FFAR4: variants seen among roughly 807,000 people sequenced by gnomAD.
The protein encoded by FFAR4 is G-protein coupled receptor 120.
In FFAR4, 19 loss-of-function variants were observed where a neutral mutation model predicts 27.0. The observed-to-expected ratio is 0.70, with a 90% CI of 0.49 to 1.03. The LOEUF (loss-of-function observed/expected upper bound fraction) is 1.03. FFAR4 is among the 50% of genes least tolerant of loss of function. FFAR4 has a pLI of 0.00. For synonymous variants in FFAR4, 254 were observed against 215.6 expected (o/e 1.18, Z -1.56); for missense variants, 476 against 479.0 (o/e 0.99, Z 0.06).
Position 93,576,346 on chromosome 10 carries a change from A to G in FFAR4, c.696+127A>G, listed in dbSNP as rs184916643. The G allele has an allele frequency of 1.6e-5, 15 of 923,692 alleles. No individual in the cohort carries two copies. In the East Asian group the frequency reaches 3.6e-4, roughly 22 times the overall value. 57.2% of individuals were successfully genotyped at this position (923,692 alleles called of 1,614,324 possible). On this transcript the variant is annotated intron_variant, in intron 2 of 2. Transcript: ENST00000371481. ...CCAGCTCAATCTTGATTCACTGCCCAGGTCTACAACACTGAGGAAGGAGAG... is the reference window on the plus strand; with the variant it reads ...CCAGCTCAATCTTGATTCACTGCCCGGGTCTACAACACTGAGGAAGGAGAG...
intron 1 of FFAR4, among the ~76,000 whole-genome samples, chr10:93,568,066 C>T (rs1169226703): frequency 6.6e-6 from 1 of 152,144 alleles, no homozygotes; most frequent in Non-Finnish European, 1.5e-5. Flanking sequence ...TGACCATGAT[C>T]GGAATAAGGT....
In FFAR4 at chr10:93,573,474, A is replaced by G. The variant is rs966255626; in HGVS notation, c.568-2617A>G. On this transcript the variant is annotated intron_variant, in intron 1 of 2. Coordinates refer to ENST00000371481, the MANE Select transcript of FFAR4 (RefSeq NM_001195755.2). ...TACATGTCACAGCCTGCGGGAGAAT[A>G]CCTAGAATCAAAACGACTTAAGCCA... 3.3e-5 allele frequency among the ~76,000 whole-genome samples: 5 copies of G among 152,156 alleles called. No individual in the cohort carries two copies. The South Asian group carries it at 6.2e-4, about 19-fold the overall frequency.
intron 1 of FFAR4, among the ~76,000 whole-genome samples, chr10:93,574,534 G>A (rs146571385): frequency 1.3e-3 from 197 of 152,292 alleles, no homozygotes; most frequent in African/African-American, 4.4e-3. Flanking sequence ...AAAGGAGGTG[G>A]TGCGGGTTTT....
chr10:93,570,072 T>A (rs998485506), intron 1 of FFAR4, among the ~76,000 whole-genome samples: 1 of 151,456 alleles, frequency 6.6e-6, no homozygotes, highest in African/African-American at 2.4e-5. Flanking sequence ...AAAAAAAAAT[T>A]TTTTTTAAAT....
chr10:93,587,480 C>G lies in FFAR4; in HGVS notation c.957C>G (p.Ile319Met). The G allele has an allele frequency of 6.2e-7, 1 of 1,614,134 alleles. No individual in the cohort carries two copies. Among genetic ancestry groups the G allele is most frequent in the Non-Finnish European group, 8.5e-7 (1 of 1,180,026 alleles). The change falls in exon 3 of 3, where the codon ATC becomes ATG. Residue 319 changes from isoleucine (I) to methionine (M), a missense_variant. Ile to Met is a conservative substitution (Grantham distance 10). Transcript: ENST00000371481. ...TTGCTAATTCAGCCCTAAACCCCAT[C>G]CTCTACAACATGACACTGTGCAGGA... ...FTFANSALNP[I>M]LYNMTLCRNE...
At position 93,567,248 on chromosome 10, in the gene FFAR4, C is replaced by G. The variant is rs150993972; in HGVS notation, c.528C>G (p.Phe176Leu). 2.5e-6 allele frequency: 4 copies of G among 1,601,012 alleles called. No individual in the cohort carries two copies. Among genetic ancestry groups the G allele is most frequent in the Non-Finnish European group, 2.5e-6 (3 of 1,179,702 alleles). The change falls in exon 1 of 3, where the codon TTC becomes TTG. Residue 176 changes from phenylalanine (F) to leucine (L), a missense_variant. By Grantham distance (22) the Phe-to-Leu change is conservative (BLOSUM62 0). Coordinates refer to ENST00000371481, the MANE Select transcript of FFAR4 (RefSeq NM_001195755.2). Reference sequence around the variant, plus strand: ...TCGCCGCTCTGCCTCTCTGCGTCTTCTTCCGAGTCGTCCCGCAACGGCTCC... The same window carrying G: ...TCGCCGCTCTGCCTCTCTGCGTCTTGTTCCGAGTCGTCCCGCAACGGCTCC... ...SAVAALPLCV[F>L]FRVVPQRLPG...
chr10:93,577,531 T>C (rs1378251729), intron 2 of FFAR4, among the ~76,000 whole-genome samples: 1 of 152,174 alleles, frequency 6.6e-6, no homozygotes. Flanking sequence ...CTGAGGCTTG[T>C]TCAAGTGCAG....
At chr10:93,583,343 G>A (rs1334788036) in intron 2 of FFAR4, among the ~76,000 whole-genome samples, 2 of 151,650 alleles carry the variant, frequency 1.3e-5, no homozygotes, top group African/African-American at 2.4e-5. Flanking sequence ...GTGAACCCAG[G>A]AGGTGGAGCT....
At chr10:93,569,241 G>T (rs566191093) in intron 1 of FFAR4, among the ~76,000 whole-genome samples, 3 of 152,304 alleles carry the variant, frequency 2.0e-5, no homozygotes, top group South Asian at 4.1e-4. Flanking sequence ...TATCTTGAAG[G>T]TATCTTAAGT....
At chr10:93,569,447 T>G (rs939997879) in intron 1 of FFAR4, among the ~76,000 whole-genome samples, 1 of 152,216 alleles carries the variant, frequency 6.6e-6, no homozygotes, top group Non-Finnish European at 1.5e-5. Flanking sequence ...CTTCCATGTC[T>G]TGGCCACTTA....
chr10:93,586,733 C>T (rs1242716573), intron 2 of FFAR4, among the ~76,000 whole-genome samples: 1 of 152,076 alleles, frequency 6.6e-6, no homozygotes, highest in Non-Finnish European at 1.5e-5. Context: ...GCCTGCAATC[C>T]CACGCCAGGA....
At chr10:93,581,536 G>A (rs1267242273) in intron 2 of FFAR4, among the ~76,000 whole-genome samples, 1 of 152,190 alleles carries the variant, frequency 6.6e-6, no homozygotes, top group Non-Finnish European at 1.5e-5. Flanking sequence ...CTGGCATGGG[G>A]TGGCAGAAGG....
Position 93,566,727 on chromosome 10 carries a change from C to T in FFAR4, c.7C>T (p.Pro3Ser). The T allele has an allele frequency of 6.3e-7, 1 of 1,592,030 alleles. No homozygotes were observed. Among genetic ancestry groups the T allele is most frequent in the Middle Eastern group, 1.7e-4 (1 of 6,002 alleles). Residue 3 changes from proline to serine, a missense_variant, in exon 1 of 3, where the codon CCT (proline) becomes TCT (serine). By Grantham distance (74) the Pro-to-Ser change is moderately conservative. Coordinates refer to ENST00000371481, the MANE Select transcript of FFAR4 (RefSeq NM_001195755.2). MS[P>S]ECARAAGDAP... ...GGGCCGCCAGGCGCCGGGAATGTCC[C>T]CTGAATGCGCGCGGGCAGCGGGCGA...
intron 2 of FFAR4, among the ~76,000 whole-genome samples, chr10:93,581,621 G>A (rs2058197920): frequency 6.6e-6 from 1 of 152,108 alleles, no homozygotes; most frequent in South Asian, 2.1e-4. Context: ...GTCTCAAAAA[G>A]GTCTGTCCTC....
At chr10:93,579,369 A>C (rs1002529394) in intron 2 of FFAR4, among the ~76,000 whole-genome samples, 1 of 152,080 alleles carries the variant, frequency 6.6e-6, no homozygotes, top group Non-Finnish European at 1.5e-5. Flanking sequence ...TGTACTGCGC[A>C]CTGGCCACCA....
chr10:93,576,362 G>T, intron 2 of FFAR4, 143 bp downstream of exon 2: 2 of 750,154 alleles, frequency 2.7e-6, no homozygotes, highest in South Asian at 2.2e-5. Flanking sequence ...ACAACACTGA[G>T]GAAGGAGAGG....
intron 2 of FFAR4, among the ~76,000 whole-genome samples, chr10:93,577,140 C>T (rs1431389750): frequency 1.3e-5 from 2 of 152,112 alleles, no homozygotes; most frequent in African/African-American, 4.8e-5. Flanking sequence ...GTAAGGTAGC[C>T]CATTTGTGAG....
rs1370310398 is a variant in FFAR4, at chr10:93,589,952, T to C, written c.*2343T>C. The stretch of plus-strand genomic sequence containing the variant: ...CAGTAGTGACTGCTTATGCAGTTTC[T>C]GGAGCAGCTTGCTTCTGAAGTCAGA... On this transcript the variant is annotated 3_prime_UTR_variant, in exon 3 of 3. Transcript: ENST00000371481. The C allele has an allele frequency of 1.3e-5, 2 of 152,224 alleles. No homozygotes were observed. Among genetic ancestry groups the C allele is most frequent in the Non-Finnish European group, 2.9e-5 (2 of 68,046 alleles). The allele number at this position is 152,224 out of a possible 1,614,324, so 9.4% of individuals were successfully genotyped here. A position where few individuals can be genotyped will look rare whatever the true frequency, so the allele number is the denominator to read the frequency against.
At chr10:93,570,602 C>T (rs1336971384) in intron 1 of FFAR4, among the ~76,000 whole-genome samples, 1 of 152,250 alleles carries the variant, frequency 6.6e-6, no homozygotes, top group Non-Finnish European at 1.5e-5. Context: ...GATACTGGCT[C>T]CCTCCCCTCA....
Sources: allele counts gnomAD v4.1 joint callset (sites outside exome capture counted in the v4.1 genomes callset), GRCh38; gene constraint gnomAD v4.1.1; transcripts MANE v1.5; gene names NCBI Gene and HGNC (gene_info 2026-07-23, HGNC 2026-07-21).